NTM: variants seen among roughly 807,000 people sequenced by gnomAD.
NTM encodes neurotrimin.
NTM carries 13 observed loss-of-function variants against 42.1 expected under a neutral mutation model. The observed-to-expected ratio is 0.31, with a 90% CI of 0.20 to 0.49. NTM has a LOEUF of 0.49. Among genes scored for constraint, NTM ranks in the 20% least tolerant of loss-of-function variants. The pLI, the probability that NTM is intolerant of heterozygous loss-of-function variation, is 0.99. For synonymous variants in NTM, 187 were observed against 179.2 expected (o/e 1.04, Z -0.35); for missense variants, 373 against 452.8 (o/e 0.82, Z 1.60).
chr11:131,612,992 G>C (rs1214696473), intron 1 of NTM, among the ~76,000 whole-genome samples: 1 of 152,236 alleles, frequency 6.6e-6, no homozygotes, highest in Non-Finnish European at 1.5e-5. Flanking sequence ...TACCATTTGA[G>C]GCAGAAGCTT....
intron 1 of NTM, among the ~76,000 whole-genome samples, chr11:131,643,429 G>C (rs2065385315): frequency 1.3e-5 from 2 of 152,206 alleles, no homozygotes; most frequent in South Asian, 4.1e-4. Flanking sequence ...CGTCATGTCA[G>C]TAGAAGACCC....
Position 132,054,176 on chromosome 11 carries a change from C to T in NTM, c.168-92106C>T, listed in dbSNP as rs141824476. On this transcript the variant is annotated intron_variant, in intron 2 of 8. Coordinates refer to ENST00000683400, the MANE Select transcript of NTM (RefSeq NM_001352005.2). ...GTTGCAGTGAGTCAAGATTATGCCA[C>T]GGTACTCCAGCCTGGGCAAAAGAGT... Among the ~76,000 whole-genome samples, 171 of 152,276 alleles carry T rather than the reference C, an allele frequency of 1.1e-3. 1 individual carries two copies. The highest frequency in any genetic ancestry group is 3.9e-3 in the African/African-American group (161 of 41,556).
At chr11:132,230,800 G>T (rs1485866572) in intron 4 of NTM, among the ~76,000 whole-genome samples, 1 of 152,170 alleles carries the variant, frequency 6.6e-6, no homozygotes, top group African/African-American at 2.4e-5. Context: ...GAGGGAGGAG[G>T]CTCACAAGCC....
intron 1 of NTM, among the ~76,000 whole-genome samples, chr11:131,445,828 A>C (rs1394975140): frequency 6.6e-6 from 1 of 152,192 alleles, no homozygotes; most frequent in African/African-American, 2.4e-5. Context: ...AGCAAAACCC[A>C]CCGGTCAAAT....
At chr11:131,456,034 C>G (rs1950859228) in intron 1 of NTM, among the ~76,000 whole-genome samples, 1 of 152,190 alleles carries the variant, frequency 6.6e-6, no homozygotes, top group South Asian at 2.1e-4. Context: ...CCATTTGTGC[C>G]TAGGTTGCAA....
At chr11:132,328,475 G>A (rs781516824) in intron 7 of NTM, among the ~76,000 whole-genome samples, 1 of 149,708 alleles carries the variant, frequency 6.7e-6, no homozygotes. Context: ...TAATTAAGCT[G>A]AGGTTTTTTT....
chr11:131,624,124 C>A (rs143595933), intron 1 of NTM, among the ~76,000 whole-genome samples: 3 of 152,308 alleles, frequency 2.0e-5, no homozygotes, highest in East Asian at 3.9e-4. Context: ...AAGGCACAGG[C>A]AGACAATAGG....
In NTM at chr11:131,443,363, G is replaced by A. The variant is rs550688537; in HGVS notation, c.82+72475G>A. Among the ~76,000 whole-genome samples, 10 of 152,302 alleles carry A rather than the reference G, an allele frequency of 6.6e-5. No individual in the cohort carries two copies. The South Asian group carries it at 1.7e-3, about 25-fold the overall frequency. On this transcript the variant is annotated intron_variant, in intron 1 of 8. Transcript: ENST00000683400. ...TCAAGCTAGAATGCCTGGGTGTATGGTTGTATCATATTTGGAGAATAAGAG... is the reference window on the plus strand; with the variant it reads ...TCAAGCTAGAATGCCTGGGTGTATGATTGTATCATATTTGGAGAATAAGAG...
intron 2 of NTM, among the ~76,000 whole-genome samples, chr11:131,925,148 C>T (rs1373640844): frequency 6.6e-6 from 1 of 152,162 alleles, no homozygotes; most frequent in Non-Finnish European, 1.5e-5. Flanking sequence ...ATGGACTTAA[C>T]TCAAGACATG....
intron 1 of NTM, chr11:131,769,609 G>A: frequency 1.0e-6 from 1 of 981,050 alleles, no homozygotes; most frequent in Non-Finnish European, 1.2e-6. Context: ...TCCTGCATGA[G>A]CTCCACACAA....
At chr11:132,033,677 A>G (rs938603177) in intron 2 of NTM, among the ~76,000 whole-genome samples, 3 of 152,234 alleles carry the variant, frequency 2.0e-5, no homozygotes, top group Non-Finnish European at 4.4e-5. Context: ...GAAGCATATT[A>G]CCAACACAAT....
chr11:132,265,797 G>C (rs779832169), intron 4 of NTM, among the ~76,000 whole-genome samples: 13 of 152,150 alleles, frequency 8.5e-5, no homozygotes, highest in African/African-American at 3.1e-4. Flanking sequence ...CAACCTGAAT[G>C]AAGTATGTGC....
chr11:131,914,464 C>T, intron 2 of NTM, among the ~76,000 whole-genome samples: 1 of 152,192 alleles, frequency 6.6e-6, no homozygotes, highest in Non-Finnish European at 1.5e-5. Flanking sequence ...ATGTAGTTTT[C>T]TTCATAACCA....
chr11:131,510,038 C>T (rs186131271), intron 1 of NTM, among the ~76,000 whole-genome samples: 1 of 151,614 alleles, frequency 6.6e-6, no homozygotes, highest in Non-Finnish European at 1.5e-5. Context: ...AGAGTTTCTT[C>T]TCCTTGTCTC....
intron 1 of NTM, among the ~76,000 whole-genome samples, chr11:131,571,831 A>G (rs1394688969): frequency 6.6e-6 from 1 of 152,232 alleles, no homozygotes; most frequent in Non-Finnish European, 1.5e-5. Context: ...CTAGGTCACA[A>G]GTGTGCCTCA....
In NTM at chr11:131,520,433, C is replaced by T. The variant is rs562714624; in HGVS notation, c.82+149545C>T. Among the ~76,000 whole-genome samples, 157 of 152,118 alleles carry T rather than the reference C, an allele frequency of 1.0e-3. 1 individual carries two copies. The highest frequency in any genetic ancestry group is 3.4e-3 in the African/African-American group (142 of 41,520). On this transcript the variant is annotated intron_variant, in intron 1 of 8. Coordinates refer to ENST00000683400, the MANE Select transcript of NTM (RefSeq NM_001352005.2). ...GTCTTGGAACCAGGAGTCCACTGGG[C>T]GGCATTACACCAAGAAGTTCAAAGG...
At chr11:132,034,550 A>G (rs1413183044) in intron 2 of NTM, among the ~76,000 whole-genome samples, 1 of 152,216 alleles carries the variant, frequency 6.6e-6, no homozygotes, top group African/African-American at 2.4e-5. Context: ...AATCCAGATG[A>G]AATCCCAGAG....
intron 1 of NTM, among the ~76,000 whole-genome samples, chr11:131,657,197 G>T (rs2067311430): frequency 6.6e-6 from 1 of 151,912 alleles, no homozygotes; most frequent in South Asian, 2.1e-4. Flanking sequence ...GGACCCTTGA[G>T]TGGAGGCCCA....
rs908232193 is a variant in NTM, at chr11:131,910,954, C to T, written c.83-610C>T. On this transcript the variant is annotated intron_variant, in intron 1 of 8. Coordinates refer to ENST00000683400, the MANE Select transcript of NTM (RefSeq NM_001352005.2). ...CTGCGCCTCCCGCGAGCTCCACTTC[C>T]CATCTGCTATTGTTTCCGATTGTTT... 4.0e-5 allele frequency: 40 copies of T among 990,584 alleles called. No homozygotes were observed. In the East Asian group the frequency reaches 3.1e-3, roughly 76 times the overall value. 61.4% of individuals were successfully genotyped at this position (990,584 alleles called of 1,614,324 possible).
Sources: allele counts gnomAD v4.1 joint callset (sites outside exome capture counted in the v4.1 genomes callset), GRCh38; gene constraint gnomAD v4.1.1; transcripts MANE v1.5; gene names NCBI Gene and HGNC (gene_info 2026-07-23, HGNC 2026-07-21).